The following NIBAN1 variants were observed in gnomAD, a reference collection of about 807,000 sequenced individuals.
NIBAN1 encodes protein Niban 1.
A neutral mutation model predicts 75.1 loss-of-function variants in NIBAN1; 81 were observed. The ratio of observed to expected loss-of-function variants is 1.08; its 90% CI spans 0.90 to 1.30. The LOEUF (loss-of-function observed/expected upper bound fraction) is 1.30, where lower values mean the gene tolerates loss of function less well. NIBAN1 is among the 50% of genes most tolerant of loss of function. The probability of loss-of-function intolerance (pLI) is 0.00; values close to 1 mark genes in which losing one functional copy is unlikely to be tolerated. For synonymous variants in NIBAN1, 436 were observed against 424.8 expected (o/e 1.03, Z -0.32); for missense variants, 1,133 against 1,128.1 (o/e 1.00, Z -0.06).
intron 5 of NIBAN1, among the ~76,000 whole-genome samples, chr1:184,835,373 C>T (rs1257552789): frequency 1.3e-5 from 2 of 152,118 alleles, no homozygotes; most frequent in African/African-American, 4.8e-5. Flanking sequence ...TTTTCCAATT[C>T]TGTGAAGAAA....
At chr1:184,913,797 G>A (rs1298958807) in intron 1 of NIBAN1, among the ~76,000 whole-genome samples, 1 of 152,154 alleles carries the variant, frequency 6.6e-6, no homozygotes, top group Non-Finnish European at 1.5e-5. Flanking sequence ...ACTGCGAAAA[G>A]GAAACATTTT....
At chr1:184,890,250 A>T in intron 3 of NIBAN1, 28 bp from the exon 4 acceptor site, 1 of 1,535,126 alleles carries the variant, frequency 6.5e-7, no homozygotes, top group Non-Finnish European at 9.0e-7. Flanking sequence ...CACAGGAATG[A>T]TATCTTTTTC....
At chr1:184,811,722 G>A (rs1014680605) in intron 9 of NIBAN1, among the ~76,000 whole-genome samples, 2 of 151,926 alleles carry the variant, frequency 1.3e-5, no homozygotes, top group Non-Finnish European at 2.9e-5. Flanking sequence ...TCGATTTCCC[G>A]ACCTCACGAT....
At chr1:184,941,111 G>A (rs139013443) in intron 1 of NIBAN1, among the ~76,000 whole-genome samples, 1 of 152,292 alleles carries the variant, frequency 6.6e-6, no homozygotes, top group African/African-American at 2.4e-5. Context: ...TTGACAAATG[G>A]AAGAAGGAGG....
At chr1:184,826,087 T>C (rs897471968) in intron 6 of NIBAN1, among the ~76,000 whole-genome samples, 1 of 152,140 alleles carries the variant, frequency 6.6e-6, no homozygotes, top group Non-Finnish European at 1.5e-5. Context: ...ATAGAAACAC[T>C]CTCAGGGTGG....
rs528646659 is a variant in NIBAN1 at position 184,911,090 on chromosome 1, C to CACACAT, written c.56-11782_56-11781insATGTGT. On this transcript the variant is annotated intron_variant, in intron 1 of 13. Coordinates refer to ENST00000367511, the MANE Select transcript of NIBAN1 (RefSeq NM_052966.4). The stretch of plus-strand genomic sequence containing the variant: ...ACACACACACACACACACACACACA[C>CACACAT]ATATATATATATCCCATTAGTTATG... Among the ~76,000 whole-genome samples the CACACAT allele has an allele frequency of 3.8e-3, 576 of 150,664 alleles. 5 individuals are homozygous for CACACAT. The highest frequency in any genetic ancestry group is 0.013 in the African/African-American group (553 of 41,056).
Position 184,823,229 on chromosome 1 carries a change from G to A in NIBAN1, c.923C>T (p.Thr308Met), listed in dbSNP as rs147869963. The A allele has an allele frequency of 9.9e-4, 1,604 of 1,614,010 alleles. 1 individual carries two copies. Among genetic ancestry groups the A allele is most frequent in the Non-Finnish European group, 1.3e-3 (1,487 of 1,180,026 alleles). The change falls in exon 8 of 14, where the codon ACG (threonine) becomes ATG (methionine). Residue 308 changes from threonine (T) to methionine (M), a missense_variant. Physicochemically the swap from Thr to Met is moderately conservative, Grantham distance 81. Coordinates refer to ENST00000367511, the MANE Select transcript of NIBAN1 (RefSeq NM_052966.4). ...AATCTGATCCATGTCAGAACGGATCGTTCCTTCCAGGCCCTTTGTCAGAGC... is the reference window on the plus strand; with the variant it reads ...AATCTGATCCATGTCAGAACGGATCATTCCTTCCAGGCCCTTTGTCAGAGC... ...CRALTKGLEG[T>M]IRSDMDQIVN...
rs530547209 is a variant in NIBAN1 at position 184,845,984 on chromosome 1, A to G, written c.602-14022T>C. ...GCTCAGAGGGTCCTACGCCCACGGA[A>G]TCTCGCTGATTGCTAGCACAGCAGT... On this transcript the variant is annotated intron_variant, in intron 5 of 13. Coordinates refer to ENST00000367511, the MANE Select transcript of NIBAN1 (RefSeq NM_052966.4). Among the ~76,000 whole-genome samples the G allele has an allele frequency of 7.5e-4, 61 of 81,348 alleles. 14 individuals are homozygous for G. The highest frequency in any genetic ancestry group is 0.012 in the Middle Eastern group (2 of 164). The allele number at this position is 81,348 out of a possible 152,430, so 53.4% of individuals were successfully genotyped here.
At chr1:184,892,450 A>T (rs1185361423) in intron 3 of NIBAN1, among the ~76,000 whole-genome samples, 2 of 152,230 alleles carry the variant, frequency 1.3e-5, no homozygotes, top group Non-Finnish European at 2.9e-5. Context: ...GTAATGAGTC[A>T]TACAAAACAT....
rs538093958 is a variant in NIBAN1, at chr1:184,972,368, G to A, written c.55+1934C>T. ...GCTATGATTTTACTCAGGAACCTGG[G>A]CTTCAAAACCATCAGGAAATCACAG... is the stretch of plus-strand genomic sequence containing the variant. On this transcript the variant is annotated intron_variant, in intron 1 of 13. Transcript: ENST00000367511. 2.2e-4 allele frequency among the ~76,000 whole-genome samples: 33 copies of A among 152,296 alleles called. 1 individual carries two copies. The highest frequency in any genetic ancestry group is 3.4e-3 in the Middle Eastern group (1 of 294).
In NIBAN1 at chr1:184,935,453, G is replaced by A. The variant is rs888279066; in HGVS notation, c.56-36144C>T. On this transcript the variant is annotated intron_variant, in intron 1 of 13. Coordinates refer to ENST00000367511, the MANE Select transcript of NIBAN1 (RefSeq NM_052966.4). The stretch of plus-strand genomic sequence containing the variant: ...AGCCCAGGAGGTTGAGGCTGCAGTG[G>A]GCCATGATTGTGCCACTGCCCTCCA... Among the ~76,000 whole-genome samples the A allele has an allele frequency of 4.6e-5, 7 of 151,908 alleles. No individual in the cohort carries two copies. In the East Asian group the frequency reaches 1.2e-3, roughly 25 times the overall value.
chr1:184,950,200 C>T (rs1289964063), intron 1 of NIBAN1, among the ~76,000 whole-genome samples: 1 of 151,998 alleles, frequency 6.6e-6, no homozygotes, highest in African/African-American at 2.4e-5. Flanking sequence ...CAGATAATCT[C>T]ATGAGATAAT....
Position 184,950,201 on chromosome 1 carries a change from A to C in NIBAN1, c.55+24101T>G, listed in dbSNP as rs891006041. Among the ~76,000 whole-genome samples, 6 of 152,302 alleles carry C rather than the reference A, an allele frequency of 3.9e-5. No individual in the cohort carries two copies. The East Asian group carries it at 1.2e-3, about 29-fold the overall frequency. On this transcript the variant is annotated intron_variant, in intron 1 of 13. Coordinates refer to ENST00000367511, the MANE Select transcript of NIBAN1 (RefSeq NM_052966.4). ...TGTTAATTTAGATGCAGATAATCTC[A>C]TGAGATAATATAATGGTCTCTATTA...
At chr1:184,890,434 C>T (rs979331548) in intron 3 of NIBAN1, among the ~76,000 whole-genome samples, 7 of 152,196 alleles carry the variant, frequency 4.6e-5, no homozygotes, top group Non-Finnish European at 7.3e-5. Flanking sequence ...ACAGTCACAA[C>T]ATGGTAAATC....
At chr1:184,942,177 A>G (rs1658106354) in intron 1 of NIBAN1, among the ~76,000 whole-genome samples, 1 of 152,272 alleles carries the variant, frequency 6.6e-6, no homozygotes, top group Non-Finnish European at 1.5e-5. Flanking sequence ...GGGAGCTGAT[A>G]GAGATCATAA....
At position 184,974,315 on chromosome 1, in the gene NIBAN1, G is replaced by A. The variant is rs1179103700; in HGVS notation, c.42C>T (p.Cys14=). 5.1e-6 allele frequency: 8 copies of A among 1,566,688 alleles called. No homozygotes were observed. The highest frequency in any genetic ancestry group is 6.9e-6 in the Non-Finnish European group (8 of 1,163,406). Reference sequence around the variant, plus strand: ...GGGCGGGCGTACCTCGGATGTAAGCGCACTTGCCCTCGTCCAGCTGGCTGG... The same window carrying A: ...GGGCGGGCGTACCTCGGATGTAAGCACACTTGCCCTCGTCCAGCTGGCTGG... ...SASSQLDEGK[C]AYIRGKTEAA... The change falls in exon 1 of 14, where the codon TGC becomes TGT. Residue 14 remains cysteine, a synonymous_variant. Transcript: ENST00000367511.
chr1:184,937,449 C>T (rs547753438), intron 1 of NIBAN1, among the ~76,000 whole-genome samples: 1 of 152,296 alleles, frequency 6.6e-6, no homozygotes, highest in East Asian at 1.9e-4. Flanking sequence ...TTCTTCTCCA[C>T]ACCACCACAA....
chr1:184,956,351 G>C (rs529807795), intron 1 of NIBAN1, among the ~76,000 whole-genome samples: 25 of 152,210 alleles, frequency 1.6e-4, no homozygotes, highest in African/African-American at 5.8e-4. Context: ...GACCCTCATG[G>C]GCTCTGTGGA....
chr1:184,894,316 G>A, intron 2 of NIBAN1, 110 bp from the exon 3 acceptor site: 2 of 1,195,650 alleles, frequency 1.7e-6, no homozygotes, highest in Non-Finnish European at 1.1e-6. Flanking sequence ...ATCTTCCACT[G>A]AGATCCTGGG....
Sources: gnomAD v4.1 joint callset for allele counts (sites outside exome capture counted in the v4.1 genomes callset) on GRCh38, gnomAD v4.1.1 for gene constraint, MANE v1.5 for transcripts, NCBI Gene and HGNC (gene_info 2026-07-23, HGNC 2026-07-21) for gene names.